Variants in MEP1A observed in about 807,000 individuals in gnomAD.
MEP1A encodes the protein meprin A subunit alpha.
In MEP1A, 68 loss-of-function variants were observed where a neutral mutation model predicts 84.5. The observed-to-expected ratio is 0.80, with a 90% CI of 0.66 to 0.98. The LOEUF is 0.98. Among genes scored for constraint, MEP1A ranks in the 50% least tolerant of loss-of-function variants. MEP1A has a pLI of 0.00. For missense variants in MEP1A, 887 were observed against 919.9 expected (o/e 0.96, Z 0.46); for synonymous variants, 337 against 336.8 (o/e 1.00, Z -0.01).
chr6:46,829,359 C>T lies in MEP1A; in HGVS notation c.932C>T (p.Ala311Val). The T allele has an allele frequency of 6.2e-7, 1 of 1,612,928 alleles. No homozygotes were observed. The highest frequency in any genetic ancestry group is 1.3e-5 in the African/African-American group (1 of 74,988). Residue 311 changes from alanine (A) to valine (V), a missense_variant, in exon 10 of 14, where the codon GCC becomes GTC. Transcript: ENST00000230588. ...DHTLLGQCTG[A>V]GYFMQFSTSS... ...TGTTTGGCTGCTCTTTCCATAGGTG[C>T]CGGCTACTTCATGCAGTTCAGCACC...
intron 7 of MEP1A, among the ~76,000 whole-genome samples, chr6:46,820,219 T>C (rs1767735217): frequency 6.6e-6 from 1 of 152,214 alleles, no homozygotes; most frequent in African/African-American, 2.4e-5. Context: ...CCCAATTATG[T>C]TAATTCTAGC....
At chr6:46,803,427 T>C (rs886800143) in intron 5 of MEP1A, among the ~76,000 whole-genome samples, 37 of 151,662 alleles carry the variant, frequency 2.4e-4, no homozygotes, top group African/African-American at 8.9e-4. Flanking sequence ...GAATCTTTAG[T>C]GATAGTCCTA....
chr6:46,801,881 G>C (rs140652587), intron 5 of MEP1A, among the ~76,000 whole-genome samples: 1 of 151,862 alleles, frequency 6.6e-6, no homozygotes. Context: ...AGTACTCTTC[G>C]CAAGAGTCTC....
At chr6:46,798,292 C>T (rs12201925) in intron 3 of MEP1A, among the ~76,000 whole-genome samples, 5,749 of 152,142 alleles carry the variant, frequency 0.038, 98 homozygotes, top group South Asian at 0.06. Context: ...TTTCATCCTC[C>T]TTATCAGTGC....
At chr6:46,838,124 C>G (rs551129779) in intron 13 of MEP1A, among the ~76,000 whole-genome samples, 1 of 151,664 alleles carries the variant, frequency 6.6e-6, no homozygotes, top group South Asian at 2.1e-4. Context: ...TCTCAAACTC[C>G]TGACCTCAGG....
At chr6:46,795,370 G>A (rs1420005153) in intron 3 of MEP1A, among the ~76,000 whole-genome samples, 3 of 151,788 alleles carry the variant, frequency 2.0e-5, no homozygotes, top group South Asian at 2.1e-4. Context: ...GTGCCATCTC[G>A]GCTCACTGCA....
chr6:46,825,639 T>C lies in MEP1A; in HGVS notation c.778+146T>C, dbSNP rs530757454. 40 of 649,530 alleles carry C rather than the reference T, an allele frequency of 6.2e-5. 2 individuals carry two copies. The African/African-American group carries it at 6.8e-4, about 11-fold the overall frequency. 40.2% of individuals were successfully genotyped at this position (649,530 alleles called of 1,614,324 possible). A position where few individuals can be genotyped will look rare whatever the true frequency, so the allele number is the denominator to read the frequency against. On this transcript the variant is annotated intron_variant, in intron 8 of 13. Transcript: ENST00000230588. ...ACAAACTGCGTAACTTTTGTTGGTC[T>C]ACCTCTAGACCCATTTGTTTAAGTA...
chr6:46,834,708 T>G lies in MEP1A; in HGVS notation c.1740T>G (p.Ser580Arg), dbSNP rs1768171121. ...FISHQMLKRR[S>R]FLKNDDLIIF... ...CCCACCAAATGCTGAAAAGGAGGAG[T>G]TTCCTGAAAAATGATGACCTCATCA... The change falls in exon 12 of 14, where the codon AGT becomes AGG. Residue 580 changes from serine (S) to arginine (R), a missense_variant. Ser to Arg is a moderately radical substitution (Grantham distance 110). Coordinates refer to ENST00000230588, the MANE Select transcript of MEP1A (RefSeq NM_005588.3). 6.2e-7 allele frequency: 1 copy of G among 1,611,230 alleles called. No homozygotes were observed. The highest frequency in any genetic ancestry group is 2.2e-5 in the East Asian group (1 of 44,818).
In MEP1A at chr6:46,835,596, G is replaced by A. The variant is rs373139904; in HGVS notation, c.2084+47G>A. The A allele has an allele frequency of 2.5e-3, 4,009 of 1,591,008 alleles. 12 individuals are homozygous for A. Among genetic ancestry groups the A allele is most frequent in the Non-Finnish European group, 2.8e-3 (3,272 of 1,164,648 alleles). On this transcript the variant is annotated intron_variant, in intron 13 of 13. Transcript: ENST00000230588. ...ACAGGCAGGCCAGCAGACCTGGGCC[G>A]TGTGCATGCTTGCTCCTGGTAAAGG... is the stretch of plus-strand genomic sequence containing the variant.
In MEP1A at chr6:46,821,540, CAG is replaced by C. The variant is rs917247121; in HGVS notation, c.556+1837_556+1838del. On this transcript the variant is annotated intron_variant, in intron 7 of 13. Transcript: ENST00000230588. ...GGACTGAATCTCTGATTGCACTACT[CAG>C]GGGACTATTAGACTTTGTCTATATT... Among the ~76,000 whole-genome samples, 30 of 152,314 alleles carry C rather than the reference CAG, an allele frequency of 2.0e-4. 2 individuals are homozygous for C. The highest frequency in any genetic ancestry group is 7.2e-4 in the African/African-American group (30 of 41,578).
At chr6:46,825,021 A>G (rs191207903) in intron 7 of MEP1A, among the ~76,000 whole-genome samples, 68 of 78,248 alleles carry the variant, frequency 8.7e-4, no homozygotes, top group Admixed American at 1.5e-3. Flanking sequence ...TATAAATTAT[A>G]TATTTAAATA....
chr6:46,825,437 A>T lies in MEP1A; in HGVS notation c.722A>T (p.Gln241Leu). 1 of 1,613,922 alleles carries T rather than the reference A, an allele frequency of 6.2e-7. No homozygotes were observed. ...CCTGAGTTTAACTCCATTATCGGAC[A>T]GCGCCTGGATTTCAGTGCCATTGAT... is the stretch of plus-strand genomic sequence containing the variant. ...KIPEFNSIIG[Q>L]RLDFSAIDLE... The change falls in exon 8 of 14, where the codon CAG becomes CTG. Residue 241 changes from glutamine to leucine, a missense_variant. Coordinates refer to ENST00000230588, the MANE Select transcript of MEP1A (RefSeq NM_005588.3).
chr6:46,840,312 A>G (rs1328042860), downstream of MEP1A, among the ~76,000 whole-genome samples: 2 of 152,238 alleles, frequency 1.3e-5, no homozygotes, highest in African/African-American at 2.4e-5. Flanking sequence ...GTGCATCTGT[A>G]TCCCAGGGAG....
At position 46,806,887 on chromosome 6, in the gene MEP1A, A is replaced by G. The variant is rs183960488; in HGVS notation, c.263-2533A>G. On this transcript the variant is annotated intron_variant, in intron 5 of 13. Coordinates refer to ENST00000230588, the MANE Select transcript of MEP1A (RefSeq NM_005588.3). ...AGCGTGCCCTCATGCAAAAAGCTGT[A>G]TAAATGTGAATCTTACCCAATGAAA... 7.4e-4 allele frequency among the ~76,000 whole-genome samples: 113 copies of G among 152,196 alleles called. 1 individual carries two copies. The highest frequency in any genetic ancestry group is 5.0e-4 in the Non-Finnish European group (34 of 67,952).
Position 46,796,833 on chromosome 6 carries a change from G to C in MEP1A, c.146-1773G>C, listed in dbSNP as rs529001304. On this transcript the variant is annotated intron_variant, in intron 3 of 13. Coordinates refer to ENST00000230588, the MANE Select transcript of MEP1A (RefSeq NM_005588.3). Reference sequence around the variant, plus strand: ...TCAATCCCATTATAATCCAGGCCAGGTGTCAGGAAATACAGATTTTTGCTC... The same window carrying C: ...TCAATCCCATTATAATCCAGGCCAGCTGTCAGGAAATACAGATTTTTGCTC... Among the ~76,000 whole-genome samples the C allele has an allele frequency of 2.0e-5, 3 of 152,186 alleles. No individual in the cohort carries two copies. The East Asian group carries it at 5.8e-4, about 29-fold the overall frequency.
intron 3 of MEP1A, among the ~76,000 whole-genome samples, chr6:46,796,883 G>T (rs1355025367): frequency 6.6e-6 from 1 of 152,216 alleles, no homozygotes; most frequent in Admixed American, 6.5e-5. Flanking sequence ...TGTAAGAATA[G>T]ATGGACCAGA....
chr6:46,794,930 G>A (rs1044617845), intron 3 of MEP1A, among the ~76,000 whole-genome samples: 2 of 152,038 alleles, frequency 1.3e-5, no homozygotes, highest in African/African-American at 4.8e-5. Context: ...TCTGATCCTT[G>A]ACCCCAGTGG....
intron 11 of MEP1A, among the ~76,000 whole-genome samples, chr6:46,833,955 A>G (rs773604795): frequency 1.3e-5 from 2 of 151,786 alleles, no homozygotes; most frequent in Non-Finnish European, 2.9e-5. Context: ...GTAAACTTAC[A>G]TCAGTAAAGA....
intron 6 of MEP1A, among the ~76,000 whole-genome samples, chr6:46,810,739 TATG>T (rs1241159030): frequency 6.6e-6 from 1 of 152,040 alleles, no homozygotes; most frequent in Non-Finnish European, 1.5e-5. Flanking sequence ...TTCCCCACTT[TATG>T]TTTTTGTTTG....
Sources: allele counts gnomAD v4.1 joint callset (sites outside exome capture counted in the v4.1 genomes callset), GRCh38; gene constraint gnomAD v4.1.1; transcripts MANE v1.5; gene names NCBI Gene and HGNC (gene_info 2026-07-23, HGNC 2026-07-21).